The following CD164 variants were observed in gnomAD, a reference collection of about 807,000 sequenced individuals.
CD164 encodes the protein sialomucin core protein 24.
Under a neutral mutation model 24.6 loss-of-function variants are expected in CD164, and 11 were observed. The ratio of observed to expected loss-of-function variants is 0.45; its 90% CI spans 0.28 to 0.74. CD164 has a LOEUF of 0.74. Ranked by LOEUF, CD164 falls within the 30% of genes least tolerant of loss-of-function variation. CD164 has a pLI of 0.13. For missense variants in CD164, 295 were observed against 243.7 expected, an observed-to-expected ratio of 1.21 and a Z score of -1.40; for synonymous variants, 126 against 100.3, an observed-to-expected ratio of 1.26 and a Z score of -1.53.
intron 2 of CD164, 105 bp from the exon 3 acceptor site, chr6:109,378,076 A>AGTGGGCAGGGGGAACCACTTTAG: frequency 1.1e-6 from 1 of 943,082 alleles, no homozygotes; most frequent in Non-Finnish European, 1.7e-6. Flanking sequence ...ACACTTTAGA[A>AGTGGGCAGGGGGAACCACTTTAG]GTGGGCAGGG....
chr6:109,368,752 G>C lies in CD164; in HGVS notation c.*99C>G. 1.4e-6 allele frequency: 2 copies of C among 1,467,552 alleles called. No individual in the cohort carries two copies. The highest frequency in any genetic ancestry group is 1.8e-6 in the Non-Finnish European group (2 of 1,113,176). 90.9% of individuals were successfully genotyped at this position (1,467,552 alleles called of 1,614,324 possible). ...CATCCATGGAAATTTAAAGATCCTG[G>C]AATAGCGTCTTCCATGTGGGACATC... On this transcript the variant is annotated 3_prime_UTR_variant, in exon 6 of 6. Transcript: ENST00000310786.
rs142043630 is a variant in CD164, at chr6:109,377,900, C to A, written c.331G>T (p.Val111Phe). ...QVGNTTDFCS[V>F]STATPVPTAN... Reference sequence around the variant, plus strand: ...CCAAGCAGCCAATATGAATACTTACCGGAACAGAAGTCTGTCGTGTTCCCC... The same window carrying A: ...CCAAGCAGCCAATATGAATACTTACAGGAACAGAAGTCTGTCGTGTTCCCC... Residue 111 changes from valine to phenylalanine, a missense_variant and splice_region_variant, in exon 3 of 6, where the codon GTT becomes TTT. Physicochemically the swap from Val to Phe is conservative, Grantham distance 50. Coordinates refer to ENST00000310786, the MANE Select transcript of CD164 (RefSeq NM_006016.6). The A allele has an allele frequency of 9.3e-6, 15 of 1,611,282 alleles. No homozygotes were observed. In the African/African-American group the frequency reaches 1.7e-4, roughly 19 times the overall value.
rs965919187 is a variant in CD164 at position 109,366,906 on chromosome 6, T to C, written c.*1945A>G. 6.6e-6 allele frequency: 1 copy of C among 152,234 alleles called. No homozygotes were observed. The highest frequency in any genetic ancestry group is 1.5e-5 in the Non-Finnish European group (1 of 68,024). 9.4% of individuals were successfully genotyped at this position (152,234 alleles called of 1,614,324 possible). ...TGCTCAAAATTACAGAAGCTTCAAA[T>C]TGTTATGTTTTCACAAAATTTGCTA... On this transcript the variant is annotated 3_prime_UTR_variant, in exon 6 of 6. Transcript: ENST00000310786.
At chr6:109,377,282 A>C (rs1250059355) in intron 3 of CD164, among the ~76,000 whole-genome samples, 1 of 152,216 alleles carries the variant, frequency 6.6e-6, no homozygotes, top group Admixed American at 6.5e-5. Flanking sequence ...TAGTCTTTCA[A>C]GGTTAGACAC....
chr6:109,379,843 G>A (rs1039929992), intron 1 of CD164, 181 bp from the exon 2 acceptor site: 4 of 539,072 alleles, frequency 7.4e-6, no homozygotes, highest in Admixed American at 3.5e-5. Flanking sequence ...AAAGCTGTAA[G>A]TAAACGCATT....
intron 4 of CD164, among the ~76,000 whole-genome samples, chr6:109,373,923 G>C (rs1173730443): frequency 6.6e-6 from 1 of 152,114 alleles, no homozygotes; most frequent in East Asian, 1.9e-4. Flanking sequence ...ACAATAACTG[G>C]CTAGCAAAAG....
chr6:109,373,118 A>T (rs1771181581), intron 4 of CD164, among the ~76,000 whole-genome samples: 1 of 152,206 alleles, frequency 6.6e-6, no homozygotes. Flanking sequence ...AATGCCAAAA[A>T]AAATACTGAA....
intron 1 of CD164, among the ~76,000 whole-genome samples, chr6:109,380,831 CTG>C: frequency 6.6e-6 from 1 of 152,198 alleles, no homozygotes; most frequent in Non-Finnish European, 1.5e-5. Context: ...TGAAAGGAAA[CTG>C]TCAAATTAAG....
At chr6:109,373,001 C>A (rs1771170332) in intron 4 of CD164, 1 of 72,666 alleles carries the variant, frequency 1.4e-5, no homozygotes, top group African/African-American at 3.9e-5. Flanking sequence ...CTCTGTTGAC[C>A]TACTGTTTCT....
At chr6:109,370,080 A>G (rs1475030452) in intron 5 of CD164, among the ~76,000 whole-genome samples, 3 of 152,314 alleles carry the variant, frequency 2.0e-5, no homozygotes. Flanking sequence ...ATGCTCTCTC[A>G]TACAGCACAC....
rs1333046378 is a variant in CD164 at position 109,366,755 on chromosome 6, G to A, written c.*2096C>T. 1 of 152,516 alleles carries A rather than the reference G, an allele frequency of 6.6e-6. No homozygotes were observed. Among genetic ancestry groups the A allele is most frequent in the Non-Finnish European group, 1.5e-5 (1 of 68,018 alleles). 9.4% of individuals were successfully genotyped at this position (152,516 alleles called of 1,614,324 possible). A position where few individuals can be genotyped will look rare whatever the true frequency, so the allele number is the denominator to read the frequency against. On this transcript the variant is annotated 3_prime_UTR_variant, in exon 6 of 6. Transcript: ENST00000310786. ...ATTTTAAAAAAACCCAAAAATTAAT[G>A]GCTCAAGATACTACATTGCTAAAGT...
intron 3 of CD164, among the ~76,000 whole-genome samples, 197 bp downstream of exon 3, chr6:109,377,703 T>A (rs138354176): frequency 6.6e-6 from 1 of 151,362 alleles, no homozygotes; most frequent in Non-Finnish European, 1.5e-5. Context: ...GCATCCACAC[T>A]ATAGCTAAAT....
At chr6:109,381,669 G>C in intron 1 of CD164, 1 of 684,924 alleles carries the variant, frequency 1.5e-6, no homozygotes. Flanking sequence ...AATCTCAAGC[G>C]ACCTTCTCAG....
chr6:109,380,600 T>C (rs1771683006), intron 1 of CD164: 1 of 152,244 alleles, frequency 6.6e-6, no homozygotes, highest in Non-Finnish European at 1.5e-5. Context: ...GAAGTTTGTA[T>C]AGATAAAACA....
intron 2 of CD164, among the ~76,000 whole-genome samples, chr6:109,378,193 T>A (rs1033096652): frequency 4.6e-5 from 7 of 152,198 alleles, no homozygotes; most frequent in Non-Finnish European, 4.4e-5. Context: ...CTAACTTTTA[T>A]CCATTAAAAA....
intron 1 of CD164, among the ~76,000 whole-genome samples, chr6:109,380,898 C>T (rs948668821): frequency 9.2e-5 from 14 of 152,166 alleles, no homozygotes; most frequent in African/African-American, 3.4e-4. Context: ...TTAGAATTCC[C>T]AGTATTATAC....
chr6:109,379,358 A>C (rs1450782975), intron 2 of CD164, among the ~76,000 whole-genome samples: 1 of 152,198 alleles, frequency 6.6e-6, no homozygotes, highest in African/African-American at 2.4e-5. Flanking sequence ...CAAACGACTG[A>C]GCTTTAATTA....
At chr6:109,376,346 A>C (rs996715076) in intron 3 of CD164, among the ~76,000 whole-genome samples, 3 of 152,198 alleles carry the variant, frequency 2.0e-5, no homozygotes, top group Non-Finnish European at 2.9e-5. Flanking sequence ...GACATTTCCT[A>C]GTCTCCAGTG....
Position 109,370,435 on chromosome 6 carries a change from T to C in CD164, c.403A>G (p.Thr135Ala), listed in dbSNP as rs1468237117. 1.2e-6 allele frequency: 2 copies of C among 1,613,282 alleles called. No homozygotes were observed. Among genetic ancestry groups the C allele is most frequent in the Non-Finnish European group, 1.7e-6 (2 of 1,179,500 alleles). The change falls in exon 5 of 6, where the codon ACT becomes GCT. Residue 135 changes from threonine (T) to alanine (A), a missense_variant. Thr to Ala is a moderately conservative substitution (Grantham distance 58). Transcript: ENST00000310786. ...CCTGATGTAGTAACTGTCTTGGAAG[T>C]TGTAGAAGGGGAGGGCTGAACTGTG... is the stretch of plus-strand genomic sequence containing the variant. Reference protein sequence around the residue: ...KPTVQPSPSTTSKTVTTSGTT... With the variant: ...KPTVQPSPSTASKTVTTSGTT...
Sources: allele counts gnomAD v4.1 joint callset (sites outside exome capture counted in the v4.1 genomes callset), GRCh38; gene constraint gnomAD v4.1.1; transcripts MANE v1.5; gene names NCBI Gene and HGNC (gene_info 2026-07-23, HGNC 2026-07-21).